Variants in CCND3 observed in about 807,000 individuals in gnomAD.
CCND3 encodes the protein cyclin D3, also known as G1/S-specific cyclin-D3.
In CCND3, 9 loss-of-function variants were observed where a neutral mutation model predicts 28.7. That is an observed-to-expected ratio of 0.31 (90% CI 0.19 to 0.55). The LOEUF is 0.55. CCND3 is among the 20% of genes least tolerant of loss of function. CCND3 has a pLI of 0.93. For missense variants in CCND3, 315 were observed against 385.8 expected (o/e 0.82, Z 1.54); for synonymous variants, 164 against 163.9 (o/e 1.00, Z 0.00).
At chr6:41,978,148 G>A (rs1006784155) in intron 1 of CCND3, among the ~76,000 whole-genome samples, 1 of 151,928 alleles carries the variant, frequency 6.6e-6, no homozygotes, top group Admixed American at 6.6e-5. Context: ...GCCGAGACGG[G>A]TGGATCACGA....
chr6:42,026,677 T>A (rs1358920040), intron 1 of CCND3, among the ~76,000 whole-genome samples: 1 of 152,152 alleles, frequency 6.6e-6, no homozygotes, highest in East Asian at 1.9e-4. Flanking sequence ...CTCCACTATG[T>A]ATGTTCCCCA....
chr6:41,975,365 G>A (rs928161547), intron 1 of CCND3, among the ~76,000 whole-genome samples: 10 of 152,126 alleles, frequency 6.6e-5, no homozygotes, highest in East Asian at 5.8e-4. Flanking sequence ...CAACCCAAGC[G>A]AGGGTATCTC....
rs560207505 is a variant in CCND3 at position 41,955,248 on chromosome 6, A to G, written c.-45-14663T>C. ...TATAATGATTCCAAAACCCAACAAG[A>G]ACAATATGTGAAAAAAAATTACACT... On this transcript the variant is annotated intron_variant, in intron 1 of 4. Transcript: ENST00000372988. 4.6e-5 allele frequency among the ~76,000 whole-genome samples: 7 copies of G among 152,314 alleles called. No homozygotes were observed. In the South Asian group the frequency reaches 1.2e-3, roughly 27 times the overall value.
At chr6:42,012,928 C>T (rs6921368) in intron 1 of CCND3, among the ~76,000 whole-genome samples, 2 of 151,844 alleles carry the variant, frequency 1.3e-5, no homozygotes, top group Non-Finnish European at 2.9e-5. Context: ...CTGTTCCATT[C>T]CTGGTCAGTT....
chr6:41,984,988 T>A (rs1471023405), intron 1 of CCND3, among the ~76,000 whole-genome samples: 5 of 152,238 alleles, frequency 3.3e-5, no homozygotes, highest in Non-Finnish European at 7.3e-5. Flanking sequence ...GCTCATTTTT[T>A]AATCAGGTTA....
chr6:41,951,336 C>T (rs191896774), intron 1 of CCND3, among the ~76,000 whole-genome samples: 389 of 151,328 alleles, frequency 2.6e-3, no homozygotes, highest in African/African-American at 8.9e-3. Flanking sequence ...TGGGTGGATC[C>T]GAAGTCAAGA....
chr6:42,004,130 A>G (rs1423664691), intron 1 of CCND3, among the ~76,000 whole-genome samples: 3 of 141,182 alleles, frequency 2.1e-5, no homozygotes, highest in Non-Finnish European at 4.5e-5. Flanking sequence ...GAGTCTCACT[A>G]TGTAGCCCAG....
At position 41,979,410 on chromosome 6, in the gene CCND3, T is replaced by C. The variant is rs1762271613; in HGVS notation, c.-45-38825A>G. Among the ~76,000 whole-genome samples the C allele has an allele frequency of 2.6e-5, 4 of 151,028 alleles. No homozygotes were observed. In the South Asian group the frequency reaches 8.3e-4, roughly 31 times the overall value. On this transcript the variant is annotated intron_variant, in intron 1 of 4. Coordinates refer to the CCND3 transcript ENST00000372988. Reference sequence around the variant, plus strand: ...TTAGTCTGGTGTGGTGGCAGGCACCTGTAGTCCCAGCTACTCGGGAGGCTG... The same window carrying C: ...TTAGTCTGGTGTGGTGGCAGGCACCCGTAGTCCCAGCTACTCGGGAGGCTG...
intron 1 of CCND3, among the ~76,000 whole-genome samples, chr6:41,987,238 G>T (rs530363871): frequency 4.6e-5 from 7 of 151,842 alleles, no homozygotes; most frequent in Non-Finnish European, 7.4e-5. Flanking sequence ...TCACTGATTG[G>T]TTCTGGTGCC....
chr6:41,957,687 A>C (rs1776472409), intron 1 of CCND3, among the ~76,000 whole-genome samples: 1 of 152,162 alleles, frequency 6.6e-6, no homozygotes, highest in South Asian at 2.1e-4. Flanking sequence ...CCAAAGGTTA[A>C]CCTGCTGGAA....
At chr6:42,009,118 C>G (rs1244042863) in intron 1 of CCND3, among the ~76,000 whole-genome samples, 1 of 152,160 alleles carries the variant, frequency 6.6e-6, no homozygotes, top group African/African-American at 2.4e-5. Context: ...CTACTGGGGG[C>G]TCAACTTCCT....
upstream of CCND3, among the ~76,000 whole-genome samples, chr6:41,946,658 T>C (rs1776179372): frequency 2.6e-5 from 4 of 151,292 alleles, no homozygotes; most frequent in Admixed American, 2.6e-4. Context: ...TTTAGCTTTT[T>C]TCTTTGAGAA....
intron 1 of CCND3, among the ~76,000 whole-genome samples, chr6:41,982,416 T>C (rs1246159388): frequency 6.6e-6 from 1 of 152,116 alleles, no homozygotes; most frequent in Non-Finnish European, 1.5e-5. Flanking sequence ...AAGGTCTATA[T>C]GTGGAAAACT....
intron 1 of CCND3, among the ~76,000 whole-genome samples, chr6:41,957,031 AAAACAAACAAAC>A (rs368447729): frequency 1.3e-5 from 2 of 152,202 alleles, no homozygotes; most frequent in Non-Finnish European, 2.9e-5. Flanking sequence ...ACTCCGTCTC[AAAACAAACAAAC>A]AAACAAACAA....
intron 1 of CCND3, among the ~76,000 whole-genome samples, chr6:41,983,100 G>A (rs906843019): frequency 4.6e-5 from 7 of 152,118 alleles, no homozygotes; most frequent in Non-Finnish European, 1.0e-4. Flanking sequence ...TATGTTGGCC[G>A]GGTGCAGTGG....
chr6:42,034,744 C>G (rs1280861424), intron 1 of CCND3, among the ~76,000 whole-genome samples: 1 of 152,128 alleles, frequency 6.6e-6, no homozygotes, highest in Non-Finnish European at 1.5e-5. Flanking sequence ...TCCCAAAGTG[C>G]TGGAATTACC....
chr6:41,975,051 C>A (rs1052768866), intron 1 of CCND3, among the ~76,000 whole-genome samples: 2 of 152,048 alleles, frequency 1.3e-5, no homozygotes, highest in Non-Finnish European at 2.9e-5. Flanking sequence ...CTCGGCCTCC[C>A]AAAATGCTGG....
At chr6:41,946,595 C>CAAAAAAAAAAAAAAAAA (rs35369019), upstream of CCND3, among the ~76,000 whole-genome samples, 2 of 20,932 alleles carry the variant, frequency 9.6e-5, 1 homozygote, top group Non-Finnish European at 1.7e-4. Context: ...AGACCTGTCT[C>CAAAAAAAAAAAAAAAAA]AAAAAAAAAA....
chr6:41,943,895 T>G (rs1191044439), upstream of CCND3, among the ~76,000 whole-genome samples: 1 of 152,226 alleles, frequency 6.6e-6, no homozygotes, highest in Non-Finnish European at 1.5e-5. Context: ...GGGATGTTTG[T>G]TTTCTCTTAT....
Sources: gnomAD v4.1 joint callset for allele counts (sites outside exome capture counted in the v4.1 genomes callset) on GRCh38, gnomAD v4.1.1 for gene constraint, MANE v1.5 for transcripts, NCBI Gene and HGNC (gene_info 2026-07-23, HGNC 2026-07-21) for gene names.